The following GRID2 variants were observed in gnomAD, a reference collection of about 807,000 sequenced individuals.
GRID2 encodes the protein glutamate receptor ionotropic, delta-2.
GRID2 carries 33 observed loss-of-function variants against 114.8 expected under a neutral mutation model. That is an observed-to-expected ratio of 0.29 (90% confidence interval 0.22 to 0.38). GRID2 has a LOEUF of 0.38. Among genes scored for constraint, GRID2 ranks in the 10% least tolerant of loss-of-function variants. The probability of loss-of-function intolerance (pLI) is 1.00; values close to 1 mark genes in which losing one functional copy is unlikely to be tolerated. For synonymous variants in GRID2, 505 were observed against 449.9 expected (o/e 1.12, Z -1.55); for missense variants, 1,184 against 1,257.7 (o/e 0.94, Z 0.89).
chr4:93,316,283 C>CGAAAGAAAGAAAGAAAGAAAGAAA (rs1382874932), intron 8 of GRID2, among the ~76,000 whole-genome samples: 1 of 97,686 alleles, frequency 1.0e-5, no homozygotes, highest in East Asian at 2.3e-4. Flanking sequence ...AAGAAAAGAA[C>CGAAAGAAAGAAAGAAAGAAAGAAA]GAAAGAACGA....
At chr4:93,124,461 G>A (rs920077297) in intron 4 of GRID2, among the ~76,000 whole-genome samples, 29 of 152,096 alleles carry the variant, frequency 1.9e-4, no homozygotes, top group Admixed American at 1.9e-3. Flanking sequence ...TGCTACAAGT[G>A]CTATTAATTC....
At chr4:92,509,875 T>C (rs1355745685) in intron 1 of GRID2, among the ~76,000 whole-genome samples, 2 of 151,890 alleles carry the variant, frequency 1.3e-5, no homozygotes, top group African/African-American at 4.8e-5. Flanking sequence ...CAGAAAAATG[T>C]GCATTCCAAG....
At chr4:92,865,533 T>G (rs1744796801) in intron 2 of GRID2, among the ~76,000 whole-genome samples, 1 of 152,218 alleles carries the variant, frequency 6.6e-6, no homozygotes, top group African/African-American at 2.4e-5. Context: ...TAAATATATG[T>G]GTAAAATTTT....
chr4:92,883,233 C>A (rs987190049), intron 2 of GRID2, among the ~76,000 whole-genome samples: 1 of 152,164 alleles, frequency 6.6e-6, no homozygotes, highest in Admixed American at 6.5e-5. Context: ...CTTTGCTCAT[C>A]CATAACAAGT....
chr4:92,866,526 G>A (rs533265823), intron 2 of GRID2, among the ~76,000 whole-genome samples: 3 of 151,760 alleles, frequency 2.0e-5, no homozygotes, highest in African/African-American at 7.3e-5. Context: ...GGTGTTGTTA[G>A]AAATCATTGA....
chr4:92,566,912 T>C (rs1265151587), intron 1 of GRID2, among the ~76,000 whole-genome samples: 1 of 151,986 alleles, frequency 6.6e-6, no homozygotes, highest in Non-Finnish European at 1.5e-5. Flanking sequence ...TTTTTGAATC[T>C]TATATCCCCG....
chr4:92,539,933 G>C (rs577329476), intron 1 of GRID2, among the ~76,000 whole-genome samples: 1 of 152,170 alleles, frequency 6.6e-6, no homozygotes, highest in Admixed American at 6.6e-5. Context: ...GCATGGTACT[G>C]GTACCAAAAC....
chr4:92,735,178 T>C (rs952177812), intron 2 of GRID2, among the ~76,000 whole-genome samples: 1 of 152,148 alleles, frequency 6.6e-6, no homozygotes, highest in Admixed American at 6.6e-5. Flanking sequence ...ATTAATCTCA[T>C]ATTAATGTTC....
At chr4:92,350,647 A>C (rs1015356224) in intron 1 of GRID2, among the ~76,000 whole-genome samples, 2 of 151,782 alleles carry the variant, frequency 1.3e-5, no homozygotes, top group African/African-American at 4.8e-5. Context: ...TGTTGTGATA[A>C]AAATTACATT....
chr4:93,481,749 A>G (rs919888468), intron 11 of GRID2, among the ~76,000 whole-genome samples: 1 of 152,080 alleles, frequency 6.6e-6, no homozygotes, highest in Admixed American at 6.6e-5. Flanking sequence ...GAGCAATCCA[A>G]TCTCAGAATC....
At chr4:92,471,191 C>T (rs1405760039) in intron 1 of GRID2, among the ~76,000 whole-genome samples, 1 of 152,016 alleles carries the variant, frequency 6.6e-6, no homozygotes, top group Non-Finnish European at 1.5e-5. Flanking sequence ...GTCATTTAAA[C>T]AACATTCTGA....
At chr4:93,516,212 A>G (rs1353305321) in intron 13 of GRID2, among the ~76,000 whole-genome samples, 1 of 152,138 alleles carries the variant, frequency 6.6e-6, no homozygotes, top group Admixed American at 6.6e-5. Flanking sequence ...CTGACCTTCC[A>G]CTGCAGAATA....
At chr4:93,478,280 T>G (rs1725510024) in intron 11 of GRID2, among the ~76,000 whole-genome samples, 1 of 152,154 alleles carries the variant, frequency 6.6e-6, no homozygotes, top group Admixed American at 6.6e-5. Context: ...CATGTAAGGT[T>G]TATGTGTGGT....
chr4:92,917,334 T>A (rs1052946456), intron 2 of GRID2, among the ~76,000 whole-genome samples: 2 of 152,192 alleles, frequency 1.3e-5, no homozygotes, highest in African/African-American at 4.8e-5. Flanking sequence ...GATGGTAGTT[T>A]CTTTTGCTGT....
chr4:92,649,580 G>T (rs886500296), intron 2 of GRID2, among the ~76,000 whole-genome samples: 1 of 151,926 alleles, frequency 6.6e-6, no homozygotes, highest in South Asian at 2.1e-4. Flanking sequence ...TCTGGGCATT[G>T]CTTGGCCCAA....
At chr4:93,710,428 G>A (rs1220641654) in intron 14 of GRID2, among the ~76,000 whole-genome samples, 2 of 152,166 alleles carry the variant, frequency 1.3e-5, no homozygotes, top group Non-Finnish European at 2.9e-5. Flanking sequence ...TTCGCTAAAC[G>A]AATGGAGTAT....
At chr4:92,719,943 G>T (rs10032050) in intron 2 of GRID2, among the ~76,000 whole-genome samples, 1 of 151,786 alleles carries the variant, frequency 6.6e-6, no homozygotes, top group Non-Finnish European at 1.5e-5. Flanking sequence ...AGATAATACG[G>T]TTTTATTATT....
At chr4:93,543,334 A>G (rs1221221914) in intron 13 of GRID2, among the ~76,000 whole-genome samples, 1 of 152,248 alleles carries the variant, frequency 6.6e-6, no homozygotes, top group Non-Finnish European at 1.5e-5. Context: ...AATACATTTT[A>G]AAAGCTGATT....
rs1429644391 is a variant in GRID2, at chr4:93,762,839, G to T, written c.2361-6371G>T. Reference sequence around the variant, plus strand: ...CTCGCATGCGGGGTTAGAGCATATGGACCTGCCTTGGGCCCCTCCACAGTG... The same window carrying T: ...CTCGCATGCGGGGTTAGAGCATATGTACCTGCCTTGGGCCCCTCCACAGTG... On this transcript the variant is annotated intron_variant, in intron 14 of 15. Transcript: ENST00000282020. 2.6e-5 allele frequency among the ~76,000 whole-genome samples: 4 copies of T among 152,102 alleles called. No homozygotes were observed. In the East Asian group the frequency reaches 7.7e-4, roughly 29 times the overall value.
Sources: gnomAD v4.1 joint callset for allele counts (sites outside exome capture counted in the v4.1 genomes callset) on GRCh38, gnomAD v4.1.1 for gene constraint, MANE v1.5 for transcripts, NCBI Gene and HGNC (gene_info 2026-07-23, HGNC 2026-07-21) for gene names.